TMEM132D: variants seen among roughly 807,000 people sequenced by gnomAD.
The protein encoded by TMEM132D is mature OL transmembrane protein.
TMEM132D carries 21 observed loss-of-function variants against 62.3 expected under a neutral mutation model. The observed-to-expected ratio is 0.34, with a 90% CI of 0.24 to 0.49. The LOEUF (loss-of-function observed/expected upper bound fraction) is 0.49. TMEM132D is among the 20% of genes least tolerant of loss of function. TMEM132D has a pLI of 0.99. For synonymous variants in TMEM132D, 621 were observed against 575.6 expected, an observed-to-expected ratio of 1.08 and a Z score of -1.13; for missense variants, 1,346 against 1,402.8, an observed-to-expected ratio of 0.96 and a Z score of 0.65.
intron 2 of TMEM132D, among the ~76,000 whole-genome samples, chr12:129,586,449 G>A (rs1593076825): frequency 6.6e-6 from 1 of 152,170 alleles, no homozygotes; most frequent in Non-Finnish European, 1.5e-5. Flanking sequence ...CCCAGACTGG[G>A]TGGCTTACAA....
chr12:129,223,540 C>T (rs1879402946), intron 4 of TMEM132D, among the ~76,000 whole-genome samples: 1 of 152,120 alleles, frequency 6.6e-6, no homozygotes, highest in Admixed American at 6.5e-5. Flanking sequence ...CTGGCAGAGT[C>T]CTGTAGACCC....
At chr12:129,479,264 T>G (rs1216524259) in intron 3 of TMEM132D, among the ~76,000 whole-genome samples, 1 of 152,202 alleles carries the variant, frequency 6.6e-6, no homozygotes, top group Non-Finnish European at 1.5e-5. Context: ...TAGAATGAGA[T>G]TGTACCATGT....
intron 3 of TMEM132D, among the ~76,000 whole-genome samples, chr12:129,346,339 A>G (rs1283840944): frequency 7.1e-6 from 1 of 141,444 alleles, no homozygotes; most frequent in Non-Finnish European, 1.5e-5. Flanking sequence ...TTTCTTCTTT[A>G]TTAGTCTGGC....
intron 3 of TMEM132D, among the ~76,000 whole-genome samples, chr12:129,452,226 T>G (rs1473667392): frequency 6.6e-6 from 1 of 152,198 alleles, no homozygotes; most frequent in African/African-American, 2.4e-5. Flanking sequence ...TAATAGCGCC[T>G]GTCTTGGAAA....
At chr12:129,658,994 G>A (rs951863434) in intron 2 of TMEM132D, among the ~76,000 whole-genome samples, 22 of 152,084 alleles carry the variant, frequency 1.4e-4, no homozygotes, top group South Asian at 4.1e-4. Flanking sequence ...TCCAACTCCC[G>A]GGATCAAGGG....
chr12:129,846,475 G>A (rs776934551), intron 1 of TMEM132D, among the ~76,000 whole-genome samples: 6 of 152,088 alleles, frequency 3.9e-5, no homozygotes, highest in African/African-American at 7.2e-5. Flanking sequence ...TCTTCTGAAT[G>A]TCATTATTTC....
intron 3 of TMEM132D, among the ~76,000 whole-genome samples, chr12:129,430,427 G>GT (rs1264543442): frequency 6.6e-6 from 1 of 152,028 alleles, no homozygotes; most frequent in African/African-American, 2.4e-5. Flanking sequence ...TTTTGATGGG[G>GT]TTTTTTCTTG....
chr12:129,190,813 G>A (rs1023516502), intron 5 of TMEM132D, among the ~76,000 whole-genome samples: 1 of 152,272 alleles, frequency 6.6e-6, no homozygotes, highest in South Asian at 2.1e-4. Context: ...GTCCTTTACA[G>A]CAGTGGTGGG....
intron 3 of TMEM132D, among the ~76,000 whole-genome samples, chr12:129,525,475 T>C (rs778423378): frequency 3.6e-4 from 55 of 152,238 alleles, no homozygotes; most frequent in Non-Finnish European, 3.1e-4. Context: ...ATTTAGACTC[T>C]GGAAATAAAA....
At chr12:129,244,385 CAAAA>C (rs751155633) in intron 4 of TMEM132D, among the ~76,000 whole-genome samples, 93 of 85,208 alleles carry the variant, frequency 1.1e-3, no homozygotes, top group African/African-American at 2.0e-3. Flanking sequence ...GACTCTGTCT[CAAAA>C]AAAAAAAAAA....
chr12:129,620,329 T>C (rs1879031643), intron 2 of TMEM132D, among the ~76,000 whole-genome samples: 1 of 152,214 alleles, frequency 6.6e-6, no homozygotes, highest in Non-Finnish European at 1.5e-5. Context: ...GCAGAAGCAG[T>C]GGCTCAGGCC....
At chr12:129,837,383 T>C (rs1333908861) in intron 1 of TMEM132D, among the ~76,000 whole-genome samples, 1 of 152,180 alleles carries the variant, frequency 6.6e-6, no homozygotes. Flanking sequence ...CTGAAGATCT[T>C]AGTACAAAAT....
rs200002979 is a variant in TMEM132D, at chr12:129,497,207, C to T, written c.1115+33852G>A. Among the ~76,000 whole-genome samples the T allele has an allele frequency of 2.0e-5, 3 of 152,216 alleles. No individual in the cohort carries two copies. In the East Asian group the frequency reaches 5.8e-4, roughly 29 times the overall value. ...CCTATAATCCCAGCTACTTGGGAGG[C>T]TGAGGCAGGAGAATCACTTGAACCT... On this transcript the variant is annotated intron_variant, in intron 3 of 8. Transcript: ENST00000422113.
chr12:129,304,406 G>A (rs1212363829), intron 4 of TMEM132D, among the ~76,000 whole-genome samples: 1 of 146,986 alleles, frequency 6.8e-6, no homozygotes, highest in Non-Finnish European at 1.5e-5. Flanking sequence ...CCATGCAAAG[G>A]CCAAGTCATG....
intron 2 of TMEM132D, among the ~76,000 whole-genome samples, chr12:129,619,022 G>A (rs1053298641): frequency 5.9e-5 from 9 of 152,176 alleles, no homozygotes; most frequent in African/African-American, 1.7e-4. Context: ...TGAGATAAGG[G>A]GTTGTGAAGA....
intron 1 of TMEM132D, among the ~76,000 whole-genome samples, chr12:129,832,052 T>G (rs113875062): frequency 2.8e-4 from 23 of 81,810 alleles, no homozygotes; most frequent in Non-Finnish European, 5.0e-4. Context: ...TTTTTTTTTT[T>G]TTTTTTTTTG....
At chr12:129,616,232 G>A (rs554291754) in intron 2 of TMEM132D, among the ~76,000 whole-genome samples, 3 of 151,668 alleles carry the variant, frequency 2.0e-5, no homozygotes, top group African/African-American at 4.8e-5. Flanking sequence ...AAGAAGTTGC[G>A]GTAGCCTTCA....
intron 2 of TMEM132D, among the ~76,000 whole-genome samples, chr12:129,537,627 A>G (rs562258381): frequency 1.3e-5 from 2 of 152,350 alleles, no homozygotes; most frequent in African/African-American, 4.8e-5. Flanking sequence ...TGTGACTTCA[A>G]TGCAACCCAT....
chr12:129,281,428 T>A (rs4368006), intron 4 of TMEM132D, among the ~76,000 whole-genome samples: 136,977 of 149,828 alleles, frequency 0.91, 62,786 homozygotes, highest in South Asian at 0.97. Flanking sequence ...CTTTTTTTTT[T>A]AAAAAAAAAA....
Sources: gnomAD v4.1 joint callset for allele counts (sites outside exome capture counted in the v4.1 genomes callset) on GRCh38, gnomAD v4.1.1 for gene constraint, MANE v1.5 for transcripts, NCBI Gene and HGNC (gene_info 2026-07-23, HGNC 2026-07-21) for gene names.